PCGF6: variants seen among roughly 807,000 people sequenced by gnomAD.
PCGF6 encodes the protein polycomb group RING finger protein 6.
A neutral mutation model predicts 45.5 loss-of-function variants in PCGF6; 24 were observed. That is an observed-to-expected ratio of 0.53 (90% CI 0.38 to 0.74). The LOEUF (loss-of-function observed/expected upper bound fraction) is 0.74. Among genes scored for constraint, PCGF6 ranks in the 30% least tolerant of loss-of-function variants. The pLI is 0.00. For synonymous variants in PCGF6, 152 were observed against 162.1 expected, an observed-to-expected ratio of 0.94 and a Z score of 0.47; for missense variants, 356 against 443.2, an observed-to-expected ratio of 0.80 and a Z score of 1.77.
Position 103,347,571 on chromosome 10 carries a change from T to C in PCGF6, c.558-121A>G, listed in dbSNP as rs1391355297. The stretch of plus-strand genomic sequence containing the variant: ...CTTTTTTCTCAGAGGTGAGTTACTT[T>C]TAAGTAGCATTTACAGTTCCTAAAA... On this transcript the variant is annotated intron_variant, in intron 3 of 9. Transcript: ENST00000369847. 3 of 722,262 alleles carry C rather than the reference T, an allele frequency of 4.2e-6. No individual in the cohort carries two copies. In the Admixed American group the frequency reaches 8.4e-5, roughly 20 times the overall value. 44.7% of individuals were successfully genotyped at this position (722,262 alleles called of 1,614,324 possible).
chr10:103,339,614 C>T (rs373983716), intron 6 of PCGF6, among the ~76,000 whole-genome samples: 1 of 149,600 alleles, frequency 6.7e-6, no homozygotes, highest in Admixed American at 6.8e-5. Flanking sequence ...CATGGTGAAA[C>T]CCCATCTCTA....
At chr10:103,328,628 T>C (rs1592065940) in intron 7 of PCGF6, among the ~76,000 whole-genome samples, 1 of 152,222 alleles carries the variant, frequency 6.6e-6, no homozygotes, top group East Asian at 1.9e-4. Context: ...TAAGTTAATG[T>C]ATGTAAATAA....
At chr10:103,344,926 G>T (rs935639228) in intron 6 of PCGF6, 98 bp downstream of exon 6, 2 of 755,522 alleles carry the variant, frequency 2.6e-6, no homozygotes, top group Non-Finnish European at 4.3e-6. Context: ...TTTTCCAAGG[G>T]GATGTCAGAA....
intron 9 of PCGF6, among the ~76,000 whole-genome samples, chr10:103,308,846 G>C (rs1009102470): frequency 6.6e-6 from 1 of 151,850 alleles, no homozygotes; most frequent in African/African-American, 2.4e-5. Flanking sequence ...ACTCTAACCT[G>C]AGTGACAGAG....
At chr10:103,329,540 C>T (rs190440666) in intron 7 of PCGF6, among the ~76,000 whole-genome samples, 71 of 152,024 alleles carry the variant, frequency 4.7e-4, no homozygotes, top group South Asian at 1.0e-3. Flanking sequence ...TGGAATGGCG[C>T]GGTCTTGGCT....
At chr10:103,323,950 A>G (rs529680927) in intron 8 of PCGF6, among the ~76,000 whole-genome samples, 1 of 148,440 alleles carries the variant, frequency 6.7e-6, no homozygotes, top group African/African-American at 2.5e-5. Context: ...TTATTTTACT[A>G]TTTTTTTGAG....
chr10:103,336,035 G>A (rs2133585816), intron 6 of PCGF6, among the ~76,000 whole-genome samples: 1 of 152,052 alleles, frequency 6.6e-6, no homozygotes, highest in South Asian at 2.1e-4. Flanking sequence ...GGGAGGCAAG[G>A]TGGGTGGATT....
intron 5 of PCGF6, among the ~76,000 whole-genome samples, chr10:103,346,104 G>A (rs1239643739): frequency 4.0e-5 from 6 of 150,044 alleles, no homozygotes; most frequent in African/African-American, 1.5e-4. Context: ...GCCAAGGCAG[G>A]AGAATTGCTT....
chr10:103,350,230 G>A (rs1475360100), intron 1 of PCGF6, among the ~76,000 whole-genome samples: 24 of 149,490 alleles, frequency 1.6e-4, no homozygotes, highest in African/African-American at 5.9e-4. Flanking sequence ...CCAGGAGTTC[G>A]AGAACAGCCT....
intron 8 of PCGF6, among the ~76,000 whole-genome samples, chr10:103,317,131 C>T (rs2093178854): frequency 6.6e-6 from 1 of 152,180 alleles, no homozygotes; most frequent in Admixed American, 6.6e-5. Flanking sequence ...ATGCCTCACC[C>T]TCCCAAGTAG....
chr10:103,304,701 G>C (rs1480370821), intron 9 of PCGF6, among the ~76,000 whole-genome samples: 1 of 150,612 alleles, frequency 6.6e-6, no homozygotes, highest in East Asian at 1.9e-4. Flanking sequence ...TGTTGCCCAG[G>C]CTGGAGTTCA....
intron 9 of PCGF6, among the ~76,000 whole-genome samples, chr10:103,305,419 C>G (rs1273244657): frequency 6.6e-6 from 1 of 151,958 alleles, no homozygotes; most frequent in Non-Finnish European, 1.5e-5. Flanking sequence ...GACAGGGGCC[C>G]GCCATCACGC....
At position 103,306,830 on chromosome 10, in the gene PCGF6, G is replaced by T. The variant is rs141063087; in HGVS notation, c.997-2869C>A. On this transcript the variant is annotated intron_variant, in intron 9 of 9. Coordinates refer to ENST00000369847, the MANE Select transcript of PCGF6 (RefSeq NM_001011663.2). Reference sequence around the variant, plus strand: ...AAGAAATTTAAACTCAAGGCCAGGTGCAGGGGCTCATGCCTATAATCCTAG... The same window carrying T: ...AAGAAATTTAAACTCAAGGCCAGGTTCAGGGGCTCATGCCTATAATCCTAG... Among the ~76,000 whole-genome samples, 6 of 152,340 alleles carry T rather than the reference G, an allele frequency of 3.9e-5. No individual in the cohort carries two copies. In the East Asian group the frequency reaches 1.2e-3, roughly 29 times the overall value.
chr10:103,312,623 C>T (rs557074930), intron 9 of PCGF6: 1 of 152,866 alleles, frequency 6.5e-6, no homozygotes, highest in Non-Finnish European at 1.5e-5. Flanking sequence ...TTCATCAAAT[C>T]TTCATTAGTA....
rs869038534 is a variant in PCGF6, at chr10:103,310,681, C to CAA, written c.996+3503_996+3504dup. The stretch of plus-strand genomic sequence containing the variant: ...GACAAAGGAACATAGGCAATTATAC[C>CAA]AAAAAAAAAAATATTATTTCTTTTC... On this transcript the variant is annotated intron_variant, in intron 9 of 9. Transcript: ENST00000369847. 3.5e-5 allele frequency among the ~76,000 whole-genome samples: 5 copies of CAA among 144,790 alleles called. No homozygotes were observed. In the South Asian group the frequency reaches 8.8e-4, roughly 25 times the overall value. The allele number at this position is 144,790 out of a possible 152,430, so 95.0% of individuals were successfully genotyped here.
At chr10:103,338,452 G>C (rs1324717040) in intron 6 of PCGF6, among the ~76,000 whole-genome samples, 1 of 151,684 alleles carries the variant, frequency 6.6e-6, no homozygotes, top group East Asian at 1.9e-4. Context: ...GGCTGAGGCA[G>C]GAGAATGGCA....
chr10:103,316,712 C>T (rs886475721), intron 8 of PCGF6, among the ~76,000 whole-genome samples: 3 of 152,138 alleles, frequency 2.0e-5, no homozygotes, highest in Non-Finnish European at 4.4e-5. Context: ...TTCAATTCAG[C>T]TGTTATAGCA....
At chr10:103,325,606 G>T (rs543596828) in intron 8 of PCGF6, among the ~76,000 whole-genome samples, 5 of 152,174 alleles carry the variant, frequency 3.3e-5, no homozygotes, top group African/African-American at 1.2e-4. Context: ...TAAAGAAAGC[G>T]GATGATAAGC....
intron 8 of PCGF6, among the ~76,000 whole-genome samples, chr10:103,325,766 C>T (rs1017542980): frequency 2.0e-5 from 3 of 151,498 alleles, no homozygotes; most frequent in Non-Finnish European, 4.4e-5. Flanking sequence ...CTCCTATAAT[C>T]CTAGTGCTTT....
Sources: allele counts gnomAD v4.1 joint callset (sites outside exome capture counted in the v4.1 genomes callset), GRCh38; gene constraint gnomAD v4.1.1; transcripts MANE v1.5; gene names NCBI Gene and HGNC (gene_info 2026-07-23, HGNC 2026-07-21).